TEX2: variants seen among roughly 807,000 people sequenced by gnomAD.
TEX2 encodes testis-expressed protein 2.
Under a neutral mutation model 106.9 loss-of-function variants are expected in TEX2, and 53 were observed. That is an observed-to-expected ratio of 0.50 (90% CI 0.40 to 0.62). TEX2 has a LOEUF of 0.62. Ranked by LOEUF, TEX2 falls within the 20% of genes least tolerant of loss-of-function variation. The pLI, the probability that TEX2 is intolerant of heterozygous loss-of-function variation, is 0.00. For missense variants in TEX2, 1,207 were observed against 1,379.0 expected (o/e 0.88, Z 1.98); for synonymous variants, 523 against 534.8 (o/e 0.98, Z 0.30).
intron 3 of TEX2, 113 bp downstream of exon 3, chr17:64,194,782 A>T: frequency 1.1e-6 from 1 of 925,990 alleles, no homozygotes; most frequent in Non-Finnish European, 1.7e-6. Context: ...CCTAAGGTAT[A>T]CTGTTCAACG....
intron 2 of TEX2, among the ~76,000 whole-genome samples, chr17:64,211,799 T>C (rs2033009834): frequency 6.6e-6 from 1 of 152,234 alleles, no homozygotes; most frequent in African/African-American, 2.4e-5. Context: ...ATTGTACTTT[T>C]ATAGTGTGTA....
At chr17:64,170,142 C>T (rs561167360) in intron 7 of TEX2, among the ~76,000 whole-genome samples, 67 of 152,200 alleles carry the variant, frequency 4.4e-4, no homozygotes, top group African/African-American at 1.5e-3. Flanking sequence ...ACTCTTTAAC[C>T]CCCCACCCAC....
intron 7 of TEX2, among the ~76,000 whole-genome samples, chr17:64,164,313 C>G (rs1367029559): frequency 1.3e-5 from 2 of 152,054 alleles, no homozygotes; most frequent in African/African-American, 4.8e-5. Flanking sequence ...TGGTGCGCAC[C>G]TGTAGTCCCA....
intron 1 of TEX2, among the ~76,000 whole-genome samples, chr17:64,236,113 C>T (rs1030427383): frequency 6.6e-6 from 1 of 152,010 alleles, no homozygotes; most frequent in Non-Finnish European, 1.5e-5. Flanking sequence ...TCCATACCCA[C>T]AGGTTCCACA....
intron 1 of TEX2, among the ~76,000 whole-genome samples, chr17:64,226,417 T>C (rs1343930853): frequency 1.3e-5 from 2 of 152,222 alleles, no homozygotes; most frequent in African/African-American, 2.4e-5. Flanking sequence ...ATCTTGTAAG[T>C]CAGATAAATT....
At chr17:64,159,592 G>A (rs982315063) in intron 8 of TEX2, among the ~76,000 whole-genome samples, 2 of 152,102 alleles carry the variant, frequency 1.3e-5, no homozygotes, top group African/African-American at 2.4e-5. Flanking sequence ...GTCCAAGAAC[G>A]TGATGAAAAG....
chr17:64,202,281 T>A (rs1341137428), intron 2 of TEX2, among the ~76,000 whole-genome samples: 2 of 151,998 alleles, frequency 1.3e-5, no homozygotes, highest in African/African-American at 2.4e-5. Flanking sequence ...CTTGAGAGGA[T>A]CACAGGAGTT....
chr17:64,179,558 G>C (rs775438430), intron 5 of TEX2, among the ~76,000 whole-genome samples: 1 of 152,100 alleles, frequency 6.6e-6, no homozygotes, highest in Non-Finnish European at 1.5e-5. Context: ...ATGAAGGTCC[G>C]AGACTTCATT....
intron 1 of TEX2, among the ~76,000 whole-genome samples, chr17:64,218,490 C>G (rs1377963699): frequency 6.7e-6 from 1 of 150,042 alleles, no homozygotes; most frequent in African/African-American, 2.5e-5. Context: ...ACAATCTCGG[C>G]TCATTGCAAC....
intron 1 of TEX2, among the ~76,000 whole-genome samples, chr17:64,236,147 A>G (rs2033761450): frequency 6.6e-6 from 1 of 152,148 alleles, no homozygotes; most frequent in Non-Finnish European, 1.5e-5. Context: ...CCAACTACAG[A>G]TCGAAAATAT....
At position 64,193,702 on chromosome 17, in the gene TEX2, G is replaced by A. The variant is rs117237160; in HGVS notation, c.2033C>T (p.Thr678Ile). The change falls in exon 4 of 12, where the codon ACA becomes ATA. Residue 678 changes from threonine (T) to isoleucine (I), a missense_variant. Thr to Ile is a moderately conservative substitution (Grantham distance 89, BLOSUM62 -1). Transcript: ENST00000584379. ...PKKPPRPQEG[T>I]RSSQRDQILY... ...TATCTGATCTCGCTGGCTAGATCTTGTTCCCTCCTGAGGGCGGGGTGGCTT... is the reference window on the plus strand; with the variant it reads ...TATCTGATCTCGCTGGCTAGATCTTATTCCCTCCTGAGGGCGGGGTGGCTT... The A allele has an allele frequency of 7.5e-4, 1,214 of 1,611,496 alleles. 1 individual carries two copies. Among genetic ancestry groups the A allele is most frequent in the Non-Finnish European group, 9.6e-4 (1,129 of 1,178,860 alleles).
chr17:64,236,070 A>G (rs1259995965), intron 1 of TEX2, among the ~76,000 whole-genome samples: 2 of 152,164 alleles, frequency 1.3e-5, no homozygotes. Flanking sequence ...TCCTTGAAAT[A>G]GCAATCTAAA....
chr17:64,196,982 ATTTTTTTTTT>A lies in TEX2; in HGVS notation c.1645-1897_1645-1888del, dbSNP rs59960456. On this transcript the variant is annotated intron_variant, in intron 2 of 11. Coordinates refer to ENST00000584379, the MANE Select transcript of TEX2 (RefSeq NM_001288732.2). ...GAAATCAGGGAATAGTCAAATCAAG[ATTTTTTTTTT>A]TTTTTTTTTTTTTTGGAGAGCCAGT... Among the ~76,000 whole-genome samples, 65 of 63,580 alleles carry A rather than the reference ATTTTTTTTTT, an allele frequency of 1.0e-3. 1 individual carries two copies. The highest frequency in any genetic ancestry group is 3.0e-3 in the African/African-American group (55 of 18,284). The allele number at this position is 63,580 out of a possible 152,430, so 41.7% of individuals were successfully genotyped here. A position where few individuals can be genotyped will look rare whatever the true frequency, so the allele number is the denominator to read the frequency against.
At chr17:64,206,629 T>TCTCAG (rs1285318318) in intron 2 of TEX2, among the ~76,000 whole-genome samples, 1 of 145,482 alleles carries the variant, frequency 6.9e-6, no homozygotes, top group Non-Finnish European at 1.5e-5. Context: ...AGTGGTGCGA[T>TCTCAG]CTCAGCTCAC....
chr17:64,254,475 G>A (rs541208636), intron 1 of TEX2, among the ~76,000 whole-genome samples: 7 of 152,082 alleles, frequency 4.6e-5, no homozygotes, highest in African/African-American at 9.6e-5. Flanking sequence ...TTAAAGCTTC[G>A]GTTTCAGCTT....
At chr17:64,211,109 C>T (rs372791386) in intron 2 of TEX2, among the ~76,000 whole-genome samples, 184 of 152,210 alleles carry the variant, frequency 1.2e-3, no homozygotes, top group African/African-American at 2.0e-3. Flanking sequence ...TACAGGTGCA[C>T]GCCACCAAGC....
chr17:64,194,240 G>GA (rs934379274), intron 3 of TEX2, among the ~76,000 whole-genome samples: 3 of 150,678 alleles, frequency 2.0e-5, no homozygotes, highest in South Asian at 4.2e-4. Flanking sequence ...TAAGTTGGAA[G>GA]AAAAAAAAAG....
chr17:64,193,411 A>G, intron 4 of TEX2, 148 bp downstream of exon 4: 3 of 570,160 alleles, frequency 5.3e-6, no homozygotes, highest in Non-Finnish European at 8.6e-6. Context: ...TAGATGGTAA[A>G]TGAGTCATGA....
At chr17:64,216,126 G>A (rs1277879271) in intron 1 of TEX2, among the ~76,000 whole-genome samples, 1 of 152,202 alleles carries the variant, frequency 6.6e-6, no homozygotes, top group Non-Finnish European at 1.5e-5. Flanking sequence ...AAAAGGGAAT[G>A]ATCTCTATCC....
Sources: allele counts gnomAD v4.1 joint callset (sites outside exome capture counted in the v4.1 genomes callset), GRCh38; gene constraint gnomAD v4.1.1; transcripts MANE v1.5; gene names NCBI Gene and HGNC (gene_info 2026-07-23, HGNC 2026-07-21).